Variants in SLC4A5 observed in about 807,000 individuals in gnomAD.
SLC4A5 encodes electrogenic sodium bicarbonate cotransporter 4.
Under a neutral mutation model 120.4 loss-of-function variants are expected in SLC4A5, and 96 were observed. The ratio of observed to expected loss-of-function variants is 0.80; its 90% CI spans 0.68 to 0.94. SLC4A5 has a LOEUF of 0.94. Ranked by LOEUF, SLC4A5 falls within the 40% of genes least tolerant of loss-of-function variation. The pLI is 0.00. For synonymous variants in SLC4A5, 550 were observed against 571.1 expected (o/e 0.96, Z 0.53); for missense variants, 1,259 against 1,459.5 (o/e 0.86, Z 2.24).
At chr2:74,244,173 G>A (rs1670533359) in intron 19 of SLC4A5, among the ~76,000 whole-genome samples, 1 of 152,110 alleles carries the variant, frequency 6.6e-6, no homozygotes, top group Non-Finnish European at 1.5e-5. Flanking sequence ...AAACTAACTT[G>A]TTCTAGTTCT....
exon 9 of SLC4A5, chr2:74,265,144 C>A: frequency 1.9e-6 from 3 of 1,614,184 alleles, no homozygotes; most frequent in Non-Finnish European, 2.5e-6. Flanking sequence ...AATCCAGCAG[C>A]ACCGTCCCCG....
At chr2:74,312,265 GTGTGTGTA>G (rs1482057276) in intron 6 of SLC4A5, among the ~76,000 whole-genome samples, 5 of 151,200 alleles carry the variant, frequency 3.3e-5, no homozygotes, top group African/African-American at 9.8e-5. Flanking sequence ...GTGTGTGTGT[GTGTGTGTA>G]TATGCATTTT....
intron 6 of SLC4A5, chr2:74,307,892 G>A (rs1156747024): frequency 1.4e-5 from 7 of 484,686 alleles, no homozygotes; most frequent in Non-Finnish European, 2.0e-5. Flanking sequence ...CAGAGCCCCC[G>A]GCACCTGCAT....
intron 5 of SLC4A5, among the ~76,000 whole-genome samples, chr2:74,315,417 G>A (rs952443740): frequency 8.7e-5 from 13 of 149,282 alleles, no homozygotes; most frequent in African/African-American, 3.2e-4. Flanking sequence ...ACCAGCCGGG[G>A]GAACAGAGCA....
At position 74,246,958 on chromosome 2, in the gene SLC4A5, A is replaced by C. The variant is rs1417397712; in HGVS notation, c.2059+78T>G. 4 of 1,545,794 alleles carry C rather than the reference A, an allele frequency of 2.6e-6. No homozygotes were observed. In the East Asian group the frequency reaches 9.0e-5, roughly 35 times the overall value. ...TGAATGGCCCCTCCCCAGCAGTAGAAGTAGAGAGCTGTGGTGAAGGATCAG... is the reference window on the plus strand; with the variant it reads ...TGAATGGCCCCTCCCCAGCAGTAGACGTAGAGAGCTGTGGTGAAGGATCAG... On this transcript the variant is annotated intron_variant, in intron 19 of 30. Coordinates refer to ENST00000394019, the Ensembl canonical transcript of SLC4A5.
At chr2:74,330,537 G>A (rs114635662) in intron 4 of SLC4A5, among the ~76,000 whole-genome samples, 2,578 of 151,118 alleles carry the variant, frequency 0.017, 22 homozygotes, top group Non-Finnish European at 0.027. Context: ...CTAGATGGAG[G>A]TGTATGGTGT....
At chr2:74,223,506 T>G (rs901817778) in intron 28 of SLC4A5, among the ~76,000 whole-genome samples, 1 of 152,208 alleles carries the variant, frequency 6.6e-6, no homozygotes, top group Non-Finnish European at 1.5e-5. Flanking sequence ...CAAAACAGTT[T>G]TATCTGTCAC....
rs182368867 is a variant in SLC4A5, at chr2:74,295,341, T to C, written c.271+9148A>G. On this transcript the variant is annotated intron_variant, in intron 7 of 30. Coordinates refer to ENST00000394019, the Ensembl canonical transcript of SLC4A5. ...GATATCTAATATCTCATTTTAAAAA[T>C]TGAGTATCTCGGCCAGGTGCAGTGG... 9.9e-4 allele frequency among the ~76,000 whole-genome samples: 151 copies of C among 152,258 alleles called. 1 individual carries two copies. The highest frequency in any genetic ancestry group is 2.7e-3 in the Admixed American group (41 of 15,288).
intron 26 of SLC4A5, 121 bp from the exon 27 acceptor site, chr2:74,227,251 T>A: frequency 8.5e-7 from 1 of 1,177,536 alleles, no homozygotes; most frequent in Non-Finnish European, 1.2e-6. Context: ...GCTCAGGCCT[T>A]AAGGATGCAC....
rs751340200 is a variant in SLC4A5, at chr2:74,290,590, GAGAGAGAGAGAC to G, written c.272-4700_272-4689del. 2.4e-3 allele frequency: 2,397 copies of G among 980,994 alleles called. 9 individuals carry two copies. The highest frequency in any genetic ancestry group is 0.012 in the South Asian group (253 of 21,094). The allele number at this position is 980,994 out of a possible 1,614,324, so 60.8% of individuals were successfully genotyped here. A position where few individuals can be genotyped will look rare whatever the true frequency, so the allele number is the denominator to read the frequency against. ...TACACTGAGTTAATTAAAGATCTGA[GAGAGAGAGAGAC>G]AGAGAGAGAGACAGAGAAGTGAGAG... On this transcript the variant is annotated intron_variant, in intron 7 of 30. Transcript: ENST00000394019.
chr2:74,239,549 C>G lies in SLC4A5; in HGVS notation c.2119-14G>C, dbSNP rs755414420. The G allele has an allele frequency of 1.2e-6, 2 of 1,613,116 alleles. No individual in the cohort carries two copies. Among genetic ancestry groups the G allele is most frequent in the Non-Finnish European group, 1.7e-6 (2 of 1,179,278 alleles). On this transcript the variant is annotated splice_polypyrimidine_tract_variant and intron_variant, in intron 20 of 30. Transcript: ENST00000394019. ...AAGGAGGTTGTACTTGGAGACCAAG[C>G]ACAGGAGAGAATGGGTCAGCATCTT...
intron 5 of SLC4A5, among the ~76,000 whole-genome samples, chr2:74,318,985 T>C (rs1056954873): frequency 2.4e-4 from 37 of 152,064 alleles, no homozygotes; most frequent in African/African-American, 7.5e-4. Context: ...GATAAGGAAA[T>C]GTAATATATA....
At chr2:74,262,904 G>T (rs777429509) in intron 10 of SLC4A5, among the ~76,000 whole-genome samples, 1 of 152,006 alleles carries the variant, frequency 6.6e-6, no homozygotes, top group South Asian at 2.1e-4. Context: ...GACAAGAACC[G>T]TACCTACACG....
At chr2:74,282,332 T>A (rs1490791939) in intron 8 of SLC4A5, among the ~76,000 whole-genome samples, 1 of 152,256 alleles carries the variant, frequency 6.6e-6, no homozygotes, top group Admixed American at 6.5e-5. Context: ...CATTTTCCTG[T>A]CCGCAAGCTG....
chr2:74,330,239 G>A (rs1673321071), intron 4 of SLC4A5, among the ~76,000 whole-genome samples: 2 of 151,804 alleles, frequency 1.3e-5, no homozygotes, highest in East Asian at 1.9e-4. Context: ...AGGTGTAGAT[G>A]GTGATGGTGA....
intron 8 of SLC4A5, among the ~76,000 whole-genome samples, chr2:74,277,020 A>G (rs1279339396): frequency 6.6e-6 from 1 of 152,156 alleles, no homozygotes; most frequent in Non-Finnish European, 1.5e-5. Context: ...CCAGCCCTTG[A>G]GAGATCATGC....
chr2:74,291,233 C>T (rs1301976411), intron 7 of SLC4A5, among the ~76,000 whole-genome samples: 1 of 152,220 alleles, frequency 6.6e-6, no homozygotes, highest in Non-Finnish European at 1.5e-5. Flanking sequence ...GGAAGCTCGT[C>T]ACTTCAGAGT....
chr2:74,236,395 T>A (rs1385514285), intron 21 of SLC4A5, among the ~76,000 whole-genome samples: 1 of 152,190 alleles, frequency 6.6e-6, no homozygotes, highest in African/African-American at 2.4e-5. Context: ...TAGCTTTGGC[T>A]AATATCTCTC....
intron 4 of SLC4A5, among the ~76,000 whole-genome samples, chr2:74,333,489 A>C (rs1354267024): frequency 6.6e-6 from 1 of 152,220 alleles, no homozygotes; most frequent in African/African-American, 2.4e-5. Flanking sequence ...ATAAATAACA[A>C]TACAACAATA....
Sources: allele counts gnomAD v4.1 joint callset (sites outside exome capture counted in the v4.1 genomes callset), GRCh38; gene constraint gnomAD v4.1.1; transcripts MANE v1.5; gene names NCBI Gene and HGNC (gene_info 2026-07-23, HGNC 2026-07-21).